NRXN3: variants seen among roughly 807,000 people sequenced by gnomAD.
The protein encoded by NRXN3 is neurexin 3, also known as neurexin III.
NRXN3 carries 32 observed loss-of-function variants against 137.6 expected under a neutral mutation model. The observed-to-expected ratio is 0.23, with a 90% CI of 0.18 to 0.31. The LOEUF is 0.31. NRXN3 is among the 10% of genes least tolerant of loss of function. The probability of loss-of-function intolerance (pLI) is 1.00; values close to 1 mark genes in which losing one functional copy is unlikely to be tolerated. For synonymous variants in NRXN3, 798 were observed against 784.5 expected (o/e 1.02, Z -0.29); for missense variants, 1,574 against 2,062.5 (o/e 0.76, Z 4.59).
chr14:78,840,383 AAGAG>A (rs1373690678), intron 10 of NRXN3, among the ~76,000 whole-genome samples: 1 of 152,214 alleles, frequency 6.6e-6, no homozygotes, highest in African/African-American at 2.4e-5. Flanking sequence ...CAAGAATGAA[AAGAG>A]ATTGGATCAA....
intron 6 of NRXN3, among the ~76,000 whole-genome samples, chr14:78,704,309 G>A (rs1299292567): frequency 6.6e-6 from 1 of 152,158 alleles, no homozygotes; most frequent in South Asian, 2.1e-4. Flanking sequence ...CAGATTGTGG[G>A]ATCACCAAGT....
chr14:78,644,698 C>T (rs888735098), intron 4 of NRXN3, among the ~76,000 whole-genome samples: 1 of 152,144 alleles, frequency 6.6e-6, no homozygotes, highest in Non-Finnish European at 1.5e-5. Context: ...TCAATAAAAG[C>T]TACCTGGAGC....
At chr14:78,895,287 C>T (rs780441366) in intron 10 of NRXN3, among the ~76,000 whole-genome samples, 8 of 151,888 alleles carry the variant, frequency 5.3e-5, no homozygotes, top group South Asian at 2.1e-4. Context: ...CTTGCTGCAG[C>T]GTCTACATAA....
At chr14:78,394,172 A>G (rs1189340523) in intron 4 of NRXN3, among the ~76,000 whole-genome samples, 1 of 151,946 alleles carries the variant, frequency 6.6e-6, no homozygotes, top group African/African-American at 2.4e-5. Context: ...TACTTTGTTT[A>G]TGATCTTAAG....
chr14:78,906,891 T>A (rs976005468), intron 10 of NRXN3, among the ~76,000 whole-genome samples: 4 of 151,992 alleles, frequency 2.6e-5, no homozygotes, highest in African/African-American at 9.7e-5. Context: ...GGGAAGGGCT[T>A]TGTTAACTGT....
intron 4 of NRXN3, among the ~76,000 whole-genome samples, chr14:78,550,030 CTTTTTTTT>C (rs3032366): frequency 8.5e-6 from 1 of 117,100 alleles, no homozygotes. Context: ...ATTCTGCAAA[CTTTTTTTT>C]TTTTTTTTTT....
intron 15 of NRXN3, among the ~76,000 whole-genome samples, chr14:79,271,891 C>T (rs774005847): frequency 6.6e-6 from 1 of 152,150 alleles, no homozygotes; most frequent in South Asian, 2.1e-4. Context: ...TCTTTTCAAA[C>T]CCTCAAAACT....
Position 79,657,170 on chromosome 14 carries a change from T to A in NRXN3, c.3445-6608T>A, listed in dbSNP as rs78830181. Among the ~76,000 whole-genome samples the A allele has an allele frequency of 0.022, 3,288 of 152,308 alleles. 196 individuals are homozygous for A. The East Asian group carries it at 0.24, about 11-fold the overall frequency. ...TTTAACACAAGTATTACTGTTGCTCTTGTCTTCGTTATCGTTTTTCTAGAC... is the reference window on the plus strand; with the variant it reads ...TTTAACACAAGTATTACTGTTGCTCATGTCTTCGTTATCGTTTTTCTAGAC... On this transcript the variant is annotated intron_variant, in intron 16 of 20. Coordinates refer to ENST00000335750, the MANE Select transcript of NRXN3 (RefSeq NM_001330195.2).
intron 1 of NRXN3, among the ~76,000 whole-genome samples, chr14:78,220,441 C>T (rs958992203): frequency 6.6e-6 from 1 of 152,052 alleles, no homozygotes; most frequent in African/African-American, 2.4e-5. Flanking sequence ...TGAGAAGAAG[C>T]TCTGGTTTGG....
chr14:78,811,590 T>C (rs745962635), intron 10 of NRXN3, among the ~76,000 whole-genome samples: 2 of 152,246 alleles, frequency 1.3e-5, no homozygotes, highest in Non-Finnish European at 2.9e-5. Context: ...TCATCATCTT[T>C]AAAATTCTTT....
chr14:78,242,074 C>T (rs1057405593), intron 1 of NRXN3, among the ~76,000 whole-genome samples: 1 of 152,106 alleles, frequency 6.6e-6, no homozygotes, highest in African/African-American at 2.4e-5. Flanking sequence ...AAAATGTTAG[C>T]ACTTATCTTA....
At chr14:79,365,877 A>G (rs1291832001) in intron 15 of NRXN3, among the ~76,000 whole-genome samples, 2 of 152,106 alleles carry the variant, frequency 1.3e-5, no homozygotes, top group Non-Finnish European at 2.9e-5. Flanking sequence ...ATGTATGTTA[A>G]AATTGATATT....
chr14:78,622,021 A>G lies in NRXN3; in HGVS notation c.758-23099A>G, dbSNP rs1016447700. 2.6e-5 allele frequency among the ~76,000 whole-genome samples: 4 copies of G among 152,218 alleles called. No homozygotes were observed. The East Asian group carries it at 7.7e-4, about 29-fold the overall frequency. ...TATATGCTTACTACCTGTTAGTGCT[A>G]AGACATTGGTTCTGTCAGATGAGGA... On this transcript the variant is annotated intron_variant, in intron 4 of 20. Transcript: ENST00000335750.
At position 79,244,381 on chromosome 14, in the gene NRXN3, TAAA is replaced by T. The variant is rs374011367; in HGVS notation, c.3263-222835_3263-222833del. Among the ~76,000 whole-genome samples the T allele has an allele frequency of 8.5e-5, 13 of 152,254 alleles. No homozygotes were observed. In the South Asian group the frequency reaches 2.5e-3, roughly 29 times the overall value. ...TTCTTTTACATTCTGGACACACACA[TAAA>T]AAAACTTTTCTATCATTAACCTGCC... On this transcript the variant is annotated intron_variant, in intron 15 of 20. Transcript: ENST00000335750.
rs982478372 is a variant in NRXN3 at position 78,493,558 on chromosome 14, A to T, written c.758-151562A>T. Among the ~76,000 whole-genome samples, 5 of 151,458 alleles carry T rather than the reference A, an allele frequency of 3.3e-5. No homozygotes were observed. In the South Asian group the frequency reaches 8.3e-4, roughly 25 times the overall value. On this transcript the variant is annotated intron_variant, in intron 4 of 20. Transcript: ENST00000335750. ...AATAAATAAATAAATAAATAAATAA[A>T]TAAATAAAAAGAATTAGCCAGGAGG...
At chr14:78,403,795 T>C in intron 4 of NRXN3, 1 of 985,464 alleles carries the variant, frequency 1.0e-6, no homozygotes, top group Non-Finnish European at 1.2e-6. Flanking sequence ...CTCTTCGTTG[T>C]TTCTGCCCCC....
At position 79,697,884 on chromosome 14, in the gene NRXN3, A is replaced by G. The variant is rs749262681; in HGVS notation, c.3961A>G (p.Thr1321Ala). The change falls in exon 19 of 21, where the codon ACT (threonine) becomes GCT (alanine). Residue 1321 changes from threonine (T) to alanine (A), a missense_variant. By Grantham distance (58) the Thr-to-Ala change is moderately conservative. Around this residue, in one of 5 missense-constraint regions of NRXN3, gnomAD observed 320 missense variants for 387.1 expected, o/e 0.83. Coordinates refer to ENST00000335750, the MANE Select transcript of NRXN3 (RefSeq NM_001330195.2). The stretch of plus-strand genomic sequence containing the variant: ...GTCTACTACTGTCATGGAAACCACT[A>G]CTACAATGGCGACTACCACAACCCG... ...EMSTTVMETTTTMATTTTRKN... is the reference protein window; with the variant it reads ...EMSTTVMETTATMATTTTRKN... 6.2e-7 allele frequency: 1 copy of G among 1,613,184 alleles called. No homozygotes were observed.
rs2067295929 is a variant in NRXN3, at chr14:78,243,750, C to A, written c.657C>A (p.His219Gln). Residue 219 changes from histidine (H) to glutamine (Q), a missense_variant, in exon 2 of 21, where the codon CAC becomes CAA. Transcript: ENST00000335750. This position sits in a 1 kb window ranked among gnomAD's most constrained non-coding sequence, Gnocchi z 4.2. Reference protein sequence around the residue: ...NGGICFLLDGHPTCDCSTTGY... With the variant: ...NGGICFLLDGQPTCDCSTTGY... ...GGATCTGCTTTCTCCTGGACGGCCA[C>A]CCCACCTGTGACTGTTCTACCACTG... 1.3e-6 allele frequency: 2 copies of A among 1,597,302 alleles called. No homozygotes were observed. Among genetic ancestry groups the A allele is most frequent in the African/African-American group, 1.3e-5 (1 of 75,004 alleles).
intron 4 of NRXN3, among the ~76,000 whole-genome samples, chr14:78,424,764 C>T (rs1044771870): frequency 3.9e-5 from 6 of 152,164 alleles, no homozygotes; most frequent in South Asian, 2.1e-4. Context: ...TGCCTGTGCA[C>T]GGTCCCAGTC....
Sources: gnomAD v4.1 joint callset for allele counts (sites outside exome capture counted in the v4.1 genomes callset) on GRCh38, gnomAD v4.1.1 for gene constraint, gnomAD v4.1.1 regional missense constraint, Gnocchi (gnomAD v3.1) non-coding constraint, MANE v1.5 for transcripts, NCBI Gene and HGNC (gene_info 2026-07-23, HGNC 2026-07-21) for gene names.